CLMP: variants seen among roughly 807,000 people sequenced by gnomAD.
CLMP encodes the protein CXADR-like membrane protein.
In CLMP, 27 loss-of-function variants were observed where a neutral mutation model predicts 45.2. The ratio of observed to expected loss-of-function variants is 0.60; its 90% CI spans 0.44 to 0.82. CLMP has a LOEUF of 0.82. Ranked by LOEUF, CLMP falls within the 40% of genes least tolerant of loss-of-function variation. The pLI, the probability that CLMP is intolerant of heterozygous loss-of-function variation, is 0.00. For missense variants in CLMP, 403 were observed against 448.4 expected (o/e 0.90, Z 0.91); for synonymous variants, 167 against 171.4 (o/e 0.97, Z 0.20).
intron 1 of CLMP, among the ~76,000 whole-genome samples, chr11:123,153,815 TG>T (rs1327662238): frequency 1.3e-5 from 2 of 150,946 alleles, no homozygotes; most frequent in South Asian, 2.1e-4. Context: ...TCTTAGTAGC[TG>T]GGACTACAGG....
At chr11:123,150,470 A>AG (rs1565397361) in intron 1 of CLMP, among the ~76,000 whole-genome samples, 8 of 106,994 alleles carry the variant, frequency 7.5e-5, no homozygotes, top group East Asian at 2.6e-4. Context: ...AAAGAAAGAA[A>AG]GAAAGAAAGA....
intron 1 of CLMP, among the ~76,000 whole-genome samples, chr11:123,182,337 C>A (rs1242586792): frequency 2.6e-5 from 4 of 152,206 alleles, no homozygotes; most frequent in African/African-American, 9.7e-5. Flanking sequence ...CGAGCGAGGT[C>A]ATCACCACAG....
At chr11:123,188,466 CCTCCT>C (rs1217564818) in intron 1 of CLMP, among the ~76,000 whole-genome samples, 2 of 151,562 alleles carry the variant, frequency 1.3e-5, no homozygotes, top group Non-Finnish European at 2.9e-5. Flanking sequence ...TCCTCCTCCT[CCTCCT>C]CTCCTTTCTT....
chr11:123,087,271 A>T (rs1283252721), intron 2 of CLMP, among the ~76,000 whole-genome samples: 1 of 152,094 alleles, frequency 6.6e-6, no homozygotes. Context: ...CGGGAGGCGG[A>T]GGTTGCAATG....
At chr11:123,192,789 T>A (rs1265096864) in intron 1 of CLMP, among the ~76,000 whole-genome samples, 1 of 152,082 alleles carries the variant, frequency 6.6e-6, no homozygotes, top group East Asian at 1.9e-4. Context: ...TACTGTGCAA[T>A]CTTTAGAAAA....
chr11:123,186,548 C>G lies in CLMP; in HGVS notation c.28+8365G>C, dbSNP rs149195919. 4.6e-3 allele frequency among the ~76,000 whole-genome samples: 698 copies of G among 150,724 alleles called. 5 individuals are homozygous for G. The highest frequency in any genetic ancestry group is 0.017 in the Middle Eastern group (5 of 294). ...TTTTTTTTTTTTTGAGATGGTGTCT[C>G]ACTCTGTCACCCAGAGGCTGGAATG... On this transcript the variant is annotated intron_variant, in intron 1 of 6. Coordinates refer to ENST00000448775, the MANE Select transcript of CLMP (RefSeq NM_024769.5).
intron 1 of CLMP, among the ~76,000 whole-genome samples, chr11:123,191,698 C>A (rs75485827): frequency 6.6e-6 from 1 of 152,176 alleles, no homozygotes; most frequent in African/African-American, 2.4e-5. Context: ...TGGGTTATCC[C>A]GCAGTCAAAG....
chr11:123,189,643 A>C (rs1861879759), intron 1 of CLMP, among the ~76,000 whole-genome samples: 2 of 152,202 alleles, frequency 1.3e-5, no homozygotes, highest in Non-Finnish European at 2.9e-5. Context: ...GTTCAAATCT[A>C]GGCAAGGAAT....
chr11:123,118,860 C>T (rs1165873213), intron 1 of CLMP, among the ~76,000 whole-genome samples: 3 of 152,098 alleles, frequency 2.0e-5, no homozygotes, highest in African/African-American at 4.8e-5. Context: ...ACTCAAATGA[C>T]CTAACTATGA....
At chr11:123,137,193 G>A (rs1450194584) in intron 1 of CLMP, among the ~76,000 whole-genome samples, 1 of 114,488 alleles carries the variant, frequency 8.7e-6, no homozygotes, top group African/African-American at 3.5e-5. Context: ...TCGCTCTGTC[G>A]CCCAGGCTGG....
intron 1 of CLMP, among the ~76,000 whole-genome samples, chr11:123,168,942 T>C (rs1861594498): frequency 1.3e-5 from 2 of 152,156 alleles, no homozygotes; most frequent in Admixed American, 6.5e-5. Flanking sequence ...TCACTCAGGA[T>C]TGGGGCATAT....
chr11:123,195,086 G>C lies in CLMP; in HGVS notation c.-146C>G, dbSNP rs1379806651. On this transcript the variant is annotated 5_prime_UTR_variant, in exon 1 of 7. Transcript: ENST00000448775. ...TGCAGCCATGTGCCGGGCGGGAGCCGGCCCCGCGCCCCGTGCCCCTGGGGG... is the reference window on the plus strand; with the variant it reads ...TGCAGCCATGTGCCGGGCGGGAGCCCGCCCCGCGCCCCGTGCCCCTGGGGG... 5 of 582,966 alleles carry C rather than the reference G, an allele frequency of 8.6e-6. No homozygotes were observed. The highest frequency in any genetic ancestry group is 1.2e-5 in the Non-Finnish European group (5 of 402,100). 36.1% of individuals were successfully genotyped at this position (582,966 alleles called of 1,614,324 possible). A position where few individuals can be genotyped will look rare whatever the true frequency, so the allele number is the denominator to read the frequency against.
chr11:123,137,503 C>T (rs1861093508), intron 1 of CLMP, among the ~76,000 whole-genome samples: 1 of 152,048 alleles, frequency 6.6e-6, no homozygotes, highest in South Asian at 2.1e-4. Flanking sequence ...TAAACAGTTT[C>T]ACCAGAGGCC....
chr11:123,148,868 T>C (rs1233802868), intron 1 of CLMP, among the ~76,000 whole-genome samples: 1 of 152,150 alleles, frequency 6.6e-6, no homozygotes. Context: ...AAGACTGAGG[T>C]CTAGGGTGTG....
intron 1 of CLMP, among the ~76,000 whole-genome samples, chr11:123,158,455 G>A (rs1006112549): frequency 3.3e-5 from 5 of 152,170 alleles, no homozygotes; most frequent in Non-Finnish European, 5.9e-5. Flanking sequence ...TCAGTCTTGG[G>A]GACTCCAGGG....
intron 1 of CLMP, among the ~76,000 whole-genome samples, chr11:123,114,742 G>A (rs1860696847): frequency 6.6e-6 from 1 of 152,070 alleles, no homozygotes; most frequent in African/African-American, 2.4e-5. Flanking sequence ...CTTATTATGT[G>A]CAAAGCATTG....
chr11:123,072,557 C>G lies in CLMP; in HGVS notation c.*917G>C, dbSNP rs1865684873. Reference sequence around the variant, plus strand: ...AGACTATAATGGTATGTTGGGTAATCTTTCAGCATTCCTAGATCCCTTTTT... The same window carrying G: ...AGACTATAATGGTATGTTGGGTAATGTTTCAGCATTCCTAGATCCCTTTTT... On this transcript the variant is annotated 3_prime_UTR_variant, in exon 7 of 7. Transcript: ENST00000448775. 6.6e-6 allele frequency: 1 copy of G among 152,158 alleles called. No individual in the cohort carries two copies. Among genetic ancestry groups the G allele is most frequent in the Non-Finnish European group, 1.5e-5 (1 of 68,028 alleles). The allele number at this position is 152,158 out of a possible 1,614,324, so 9.4% of individuals were successfully genotyped here. A position where few individuals can be genotyped will look rare whatever the true frequency, so the allele number is the denominator to read the frequency against.
chr11:123,106,039 A>C (rs1242100150), intron 1 of CLMP, among the ~76,000 whole-genome samples: 1 of 151,558 alleles, frequency 6.6e-6, no homozygotes, highest in Non-Finnish European at 1.5e-5. Context: ...CTGGTCTCGA[A>C]CTCCTGACCT....
chr11:123,178,029 A>AT (rs903352701), intron 1 of CLMP, among the ~76,000 whole-genome samples: 4 of 151,590 alleles, frequency 2.6e-5, no homozygotes, highest in Non-Finnish European at 5.9e-5. Flanking sequence ...TGCTGGGCTA[A>AT]TTTTTTTTGT....
Sources: gnomAD v4.1 joint callset for allele counts (sites outside exome capture counted in the v4.1 genomes callset) on GRCh38, gnomAD v4.1.1 for gene constraint, MANE v1.5 for transcripts, NCBI Gene and HGNC (gene_info 2026-07-23, HGNC 2026-07-21) for gene names.